CAMTA1: variants seen among roughly 807,000 people sequenced by gnomAD.
The protein encoded by CAMTA1 is calmodulin-binding transcription activator 1.
Under a neutral mutation model 170.9 loss-of-function variants are expected in CAMTA1, and 27 were observed. The ratio of observed to expected loss-of-function variants is 0.16; its 90% CI spans 0.12 to 0.22. CAMTA1 has a LOEUF of 0.22. Ranked by LOEUF, CAMTA1 falls within the 10% of genes least tolerant of loss-of-function variation. CAMTA1 has a pLI of 1.00. For missense variants in CAMTA1, 1,619 were observed against 2,217.2 expected, an observed-to-expected ratio of 0.73 and a Z score of 5.42; for synonymous variants, 833 against 891.5, an observed-to-expected ratio of 0.93 and a Z score of 1.17.
chr1:7,663,170 C>G (rs771132029), intron 8 of CAMTA1, among the ~76,000 whole-genome samples, 183 bp from the exon 9 acceptor site: 4 of 152,198 alleles, frequency 2.6e-5, no homozygotes, highest in Non-Finnish European at 5.9e-5. Flanking sequence ...GCTTGGGGTA[C>G]GTGTCCAAGG....
rs1405981103 is a variant in CAMTA1, at chr1:7,565,213, C to T, written c.511-75187C>T. Among the ~76,000 whole-genome samples, 1 of 152,164 alleles carries T rather than the reference C, an allele frequency of 6.6e-6. No homozygotes were observed. Among genetic ancestry groups the T allele is most frequent in the East Asian group, 1.9e-4 (1 of 5,176 alleles). On this transcript the variant is annotated intron_variant, in intron 6 of 22. Transcript: ENST00000303635. This position sits in a 1 kb window ranked among gnomAD's most constrained non-coding sequence, Gnocchi z 4.5. ...GGCAGAAGGTGGGATCTCCATCTGT[C>T]CCTCCTCATTCCCCGGAGAAGCACC...
At chr1:7,518,760 A>G (rs560478413) in intron 6 of CAMTA1, among the ~76,000 whole-genome samples, 3 of 152,116 alleles carry the variant, frequency 2.0e-5, no homozygotes, top group South Asian at 4.1e-4. Context: ...CCAGAAGCCA[A>G]TGTCAGAACA....
At chr1:7,518,140 A>C (rs148968055) in intron 6 of CAMTA1, among the ~76,000 whole-genome samples, 1 of 152,066 alleles carries the variant, frequency 6.6e-6, no homozygotes, top group Non-Finnish European at 1.5e-5. Context: ...TATATTTAGC[A>C]AGCACGTGTC....
rs1016766360 is a variant in CAMTA1, at chr1:7,562,584, T to C, written c.511-77816T>C. On this transcript the variant is annotated intron_variant, in intron 6 of 22. Coordinates refer to ENST00000303635, the MANE Select transcript of CAMTA1 (RefSeq NM_015215.4). This position sits in a 1 kb window ranked among gnomAD's most constrained non-coding sequence, Gnocchi z 4.8. ...CAGCAGTACCCGCTGTCACGCTGCC[T>C]GCATGTCCCAGAAATGTTATCTCCT... Among the ~76,000 whole-genome samples, 1 of 152,208 alleles carries C rather than the reference T, an allele frequency of 6.6e-6. No individual in the cohort carries two copies. The highest frequency in any genetic ancestry group is 1.5e-5 in the Non-Finnish European group (1 of 68,044).
chr1:7,755,617 GTGT>G lies in CAMTA1; in HGVS notation c.4959-16_4959-14del, dbSNP rs2096926490. On this transcript the variant is annotated intron_variant, in intron 21 of 22. Transcript: ENST00000303635. ...ACCCTCATGTGCTAATAGCTCTCTGGTGTTGTTTTACTGTCTAAAGCCCCCTGG... is the reference window on the plus strand; with the variant it reads ...ACCCTCATGTGCTAATAGCTCTCTGGTGTTTTACTGTCTAAAGCCCCCTGG... 1.2e-6 allele frequency: 2 copies of G among 1,606,512 alleles called. No homozygotes were observed. The highest frequency in any genetic ancestry group is 1.7e-4 in the Middle Eastern group (1 of 6,058).
intron 3 of CAMTA1, among the ~76,000 whole-genome samples, chr1:6,897,118 G>A (rs1255615503): frequency 6.6e-6 from 1 of 152,114 alleles, no homozygotes; most frequent in Non-Finnish European, 1.5e-5. Context: ...AAGATGCCTC[G>A]ACTCTGCCTG....
chr1:7,747,587 A>T, intron 18 of CAMTA1, 123 bp from the exon 19 acceptor site: 1 of 562,680 alleles, frequency 1.8e-6, no homozygotes, highest in Non-Finnish European at 3.1e-6. Flanking sequence ...TTAATTATCA[A>T]TATTTTTTGG....
In CAMTA1 at chr1:7,547,259, G is replaced by A. The variant is rs759493328; in HGVS notation, c.510+79358G>A. On this transcript the variant is annotated intron_variant, in intron 6 of 22. Coordinates refer to ENST00000303635, the MANE Select transcript of CAMTA1 (RefSeq NM_015215.4). This position sits in a 1 kb window ranked among gnomAD's most constrained non-coding sequence, Gnocchi z 5.7. The stretch of plus-strand genomic sequence containing the variant: ...ACCTGGTTTCTTTTAGTGGAAAGTG[G>A]TGTTTAGAAGCCAAGATCTGGGCCT... Among the ~76,000 whole-genome samples the A allele has an allele frequency of 6.6e-6, 1 of 151,940 alleles. No individual in the cohort carries two copies. Among genetic ancestry groups the A allele is most frequent in the African/African-American group, 2.4e-5 (1 of 41,346 alleles).
intron 5 of CAMTA1, among the ~76,000 whole-genome samples, chr1:7,324,176 G>A (rs1412921241): frequency 6.6e-6 from 1 of 152,050 alleles, no homozygotes; most frequent in Non-Finnish European, 1.5e-5. Flanking sequence ...AGGCTATATT[G>A]TTGGGTGTAC....
At chr1:7,332,042 A>G (rs1395453682) in intron 5 of CAMTA1, among the ~76,000 whole-genome samples, 1 of 152,174 alleles carries the variant, frequency 6.6e-6, no homozygotes, top group Non-Finnish European at 1.5e-5. Flanking sequence ...CATCCTTATT[A>G]CACGGTTCCA....
intron 5 of CAMTA1, among the ~76,000 whole-genome samples, chr1:7,460,030 C>T (rs1340258311): frequency 6.6e-6 from 1 of 152,252 alleles, no homozygotes; most frequent in Non-Finnish European, 1.5e-5. Context: ...GCCATAAAAT[C>T]ACAGGGCCTT....
chr1:7,174,623 C>T (rs903011549), intron 4 of CAMTA1, among the ~76,000 whole-genome samples: 11 of 152,190 alleles, frequency 7.2e-5, no homozygotes, highest in Admixed American at 2.0e-4. Flanking sequence ...GGGGGCGCCA[C>T]GAGAGCCGCA....
chr1:7,717,097 A>G (rs2096615734), intron 11 of CAMTA1, among the ~76,000 whole-genome samples: 6 of 152,168 alleles, frequency 3.9e-5, no homozygotes, highest in Admixed American at 2.6e-4. Flanking sequence ...GGACAATAGA[A>G]TAGTCATTAC....
chr1:7,677,310 T>A (rs1208307216), intron 10 of CAMTA1, among the ~76,000 whole-genome samples: 12 of 152,152 alleles, frequency 7.9e-5, no homozygotes, highest in Admixed American at 2.6e-4. Context: ...GTTCAGCCAG[T>A]CTGTACTGAG....
chr1:6,897,205 A>G (rs888349727), intron 3 of CAMTA1, among the ~76,000 whole-genome samples: 9 of 152,200 alleles, frequency 5.9e-5, no homozygotes, highest in Non-Finnish European at 1.0e-4. Context: ...GAGTCAGGAA[A>G]GGGCCTGGCC....
chr1:7,427,321 A>C (rs529390977), intron 5 of CAMTA1, among the ~76,000 whole-genome samples: 2 of 152,300 alleles, frequency 1.3e-5, no homozygotes, highest in African/African-American at 4.8e-5. Context: ...ATGCTTAGCT[A>C]TTTGGGCTGC....
At chr1:6,868,059 C>T (rs1463394878) in intron 3 of CAMTA1, among the ~76,000 whole-genome samples, 1 of 152,042 alleles carries the variant, frequency 6.6e-6, no homozygotes, top group East Asian at 1.9e-4. Context: ...CCTGCCTTTG[C>T]TTTCCAAAGT....
At chr1:6,901,112 T>G (rs951429022) in intron 3 of CAMTA1, among the ~76,000 whole-genome samples, 1 of 152,268 alleles carries the variant, frequency 6.6e-6, no homozygotes, top group African/African-American at 2.4e-5. Flanking sequence ...AATTGGTTTT[T>G]GACAGAGGTG....
intron 3 of CAMTA1, among the ~76,000 whole-genome samples, chr1:7,056,336 C>T (rs1246680521): frequency 3.3e-5 from 5 of 152,048 alleles, no homozygotes; most frequent in Admixed American, 2.6e-4. Context: ...TTATTTTTAA[C>T]CCCTCAAGTA....
Sources: gnomAD v4.1 joint callset for allele counts (sites outside exome capture counted in the v4.1 genomes callset) on GRCh38, gnomAD v4.1.1 for gene constraint, Gnocchi (gnomAD v3.1) non-coding constraint, MANE v1.5 for transcripts, NCBI Gene and HGNC (gene_info 2026-07-23, HGNC 2026-07-21) for gene names.